The following ZNF704 variants were observed in gnomAD, a reference collection of about 807,000 sequenced individuals.
The protein encoded by ZNF704 is glucocorticoid induced gene 1.
ZNF704 carries 10 observed loss-of-function variants against 44.7 expected under a neutral mutation model. The observed-to-expected ratio is 0.22, with a 90% CI of 0.14 to 0.38. The LOEUF (loss-of-function observed/expected upper bound fraction) is 0.38. Ranked by LOEUF, ZNF704 falls within the 10% of genes least tolerant of loss-of-function variation. ZNF704 has a pLI of 1.00. For synonymous variants in ZNF704, 211 were observed against 207.6 expected (o/e 1.02, Z -0.14); for missense variants, 390 against 545.5 (o/e 0.71, Z 2.84).
chr8:80,702,219 T>G (rs772205837), intron 2 of ZNF704, among the ~76,000 whole-genome samples: 2 of 151,932 alleles, frequency 1.3e-5, no homozygotes, highest in African/African-American at 2.4e-5. Context: ...CTTGTAGGTG[T>G]GGGGCTGGGG....
intron 2 of ZNF704, among the ~76,000 whole-genome samples, chr8:80,813,520 A>G (rs1011007655): frequency 8.5e-5 from 13 of 152,184 alleles, no homozygotes; most frequent in Admixed American, 7.2e-4. Flanking sequence ...ACACACATAC[A>G]TACACACACA....
intron 2 of ZNF704, among the ~76,000 whole-genome samples, chr8:80,801,035 T>G (rs1179638259): frequency 6.6e-6 from 1 of 152,082 alleles, no homozygotes; most frequent in East Asian, 1.9e-4. Context: ...AAACACACTT[T>G]AAACCAACAA....
intron 8 of ZNF704, 57 bp downstream of exon 8, chr8:80,642,978 T>C (rs1301008473): frequency 1.7e-6 from 2 of 1,192,562 alleles, no homozygotes; most frequent in Non-Finnish European, 2.3e-6. Flanking sequence ...TCTGCTGTTC[T>C]GTTTTACAGT....
upstream of ZNF704, among the ~76,000 whole-genome samples, chr8:80,875,325 A>T (rs186261036): frequency 2.0e-5 from 3 of 151,734 alleles, no homozygotes; most frequent in Admixed American, 2.0e-4. Flanking sequence ...TATTTTTCAG[A>T]TGGAGTTTCG....
chr8:80,692,355 G>A (rs1357037120), intron 3 of ZNF704, among the ~76,000 whole-genome samples: 1 of 152,170 alleles, frequency 6.6e-6, no homozygotes, highest in Non-Finnish European at 1.5e-5. Context: ...GAATTGTTGT[G>A]GGAATTACAG....
chr8:80,773,983 T>A (rs540363134), intron 2 of ZNF704, among the ~76,000 whole-genome samples: 1 of 152,270 alleles, frequency 6.6e-6, no homozygotes, highest in South Asian at 2.1e-4. Flanking sequence ...TTATGAGTTA[T>A]TCTGAATTAA....
At chr8:80,828,891 T>C (rs545512769) in intron 1 of ZNF704, among the ~76,000 whole-genome samples, 5 of 152,212 alleles carry the variant, frequency 3.3e-5, no homozygotes, top group Non-Finnish European at 7.3e-5. Context: ...TTGGCTGGCA[T>C]GGATCTTTCC....
At chr8:80,663,187 C>T (rs13256412) in intron 6 of ZNF704, among the ~76,000 whole-genome samples, 1,942 of 152,034 alleles carry the variant, frequency 0.013, 17 homozygotes, top group Non-Finnish European at 0.021. Context: ...CGAGACCAGC[C>T]TGGGCAATGT....
At chr8:80,682,383 T>C (rs1818467277) in intron 4 of ZNF704, among the ~76,000 whole-genome samples, 1 of 152,236 alleles carries the variant, frequency 6.6e-6, no homozygotes, top group African/African-American at 2.4e-5. Flanking sequence ...CAACTGTTCA[T>C]GGTTAAGACA....
chr8:80,716,671 T>G (rs1819077249), intron 2 of ZNF704, among the ~76,000 whole-genome samples: 1 of 152,248 alleles, frequency 6.6e-6, no homozygotes, highest in Non-Finnish European at 1.5e-5. Context: ...AAACTGTTTT[T>G]GTTCATAACT....
At chr8:80,819,334 T>C (rs1343764294) in intron 2 of ZNF704, among the ~76,000 whole-genome samples, 9 of 152,144 alleles carry the variant, frequency 5.9e-5, no homozygotes, top group African/African-American at 2.2e-4. Context: ...TTCTTCTTCC[T>C]CTTTTCATTA....
chr8:80,741,594 C>T (rs1352207576), intron 2 of ZNF704, among the ~76,000 whole-genome samples: 1 of 152,220 alleles, frequency 6.6e-6, no homozygotes, highest in East Asian at 1.9e-4. Context: ...TGTCAGACAA[C>T]CATTAGCTTA....
chr8:80,720,966 T>C (rs1033164472), intron 2 of ZNF704, among the ~76,000 whole-genome samples: 1 of 152,336 alleles, frequency 6.6e-6, no homozygotes, highest in African/African-American at 2.4e-5. Context: ...GGCTCATCAA[T>C]GGGGCCCGCA....
At chr8:80,877,123 A>G (rs1395024916), upstream of ZNF704, among the ~76,000 whole-genome samples, 2 of 149,772 alleles carry the variant, frequency 1.3e-5, no homozygotes, top group Non-Finnish European at 2.9e-5. Flanking sequence ...AGGCCACTTC[A>G]ATAGACTTCA....
chr8:80,689,947 T>C (rs1399687396), intron 3 of ZNF704, among the ~76,000 whole-genome samples: 2 of 152,140 alleles, frequency 1.3e-5, no homozygotes, highest in Non-Finnish European at 2.9e-5. Context: ...ACTCTCACCC[T>C]CTTTGCAGAC....
In ZNF704 at chr8:80,710,125, C is replaced by A. The variant is rs111777083; in HGVS notation, c.222-17018G>T. 2.4e-3 allele frequency among the ~76,000 whole-genome samples: 361 copies of A among 152,224 alleles called. 1 individual carries two copies. Among genetic ancestry groups the A allele is most frequent in the African/African-American group, 8.3e-3 (343 of 41,530 alleles). ...AAAAGATGGTCAGGTTAAATAAAGC[C>A]TCTGGGGTGACCTTCCTACCTCCTA... On this transcript the variant is annotated intron_variant, in intron 2 of 8. Transcript: ENST00000327835.
intron 2 of ZNF704, among the ~76,000 whole-genome samples, chr8:80,792,194 A>G (rs1167183128): frequency 6.6e-6 from 1 of 152,204 alleles, no homozygotes; most frequent in East Asian, 1.9e-4. Context: ...TAGATTGAAC[A>G]AGATTTTAAA....
chr8:80,707,546 C>T (rs1018021893), intron 2 of ZNF704, among the ~76,000 whole-genome samples: 2 of 152,130 alleles, frequency 1.3e-5, no homozygotes, highest in Non-Finnish European at 2.9e-5. Context: ...ACACTGACAC[C>T]TGTTCTGTGT....
intron 4 of ZNF704, among the ~76,000 whole-genome samples, chr8:80,686,219 A>G (rs1818532096): frequency 6.6e-6 from 1 of 152,188 alleles, no homozygotes; most frequent in African/African-American, 2.4e-5. Context: ...CCTGCCTGAC[A>G]GGGGCCAGTT....
Sources: allele counts gnomAD v4.1 joint callset (sites outside exome capture counted in the v4.1 genomes callset), GRCh38; gene constraint gnomAD v4.1.1; transcripts MANE v1.5; gene names NCBI Gene and HGNC (gene_info 2026-07-23, HGNC 2026-07-21).